The following CDH20 variants were observed in gnomAD, a reference collection of about 807,000 sequenced individuals.
CDH20 encodes the protein cadherin 20.
A neutral mutation model predicts 74.2 loss-of-function variants in CDH20; 29 were observed. That is an observed-to-expected ratio of 0.39 (90% CI 0.29 to 0.53). The LOEUF is 0.53. CDH20 is among the 20% of genes least tolerant of loss of function. The pLI is 0.69. For synonymous variants in CDH20, 469 were observed against 405.4 expected, an observed-to-expected ratio of 1.16 and a Z score of -1.88; for missense variants, 988 against 1,048.3, an observed-to-expected ratio of 0.94 and a Z score of 0.79.
chr18:61,381,323 A>G (rs1254014336), intron 1 of CDH20, among the ~76,000 whole-genome samples: 2 of 152,204 alleles, frequency 1.3e-5, no homozygotes, highest in African/African-American at 4.8e-5. Flanking sequence ...TTAATCTCTG[A>G]TCAGGCATTT....
intron 1 of CDH20, among the ~76,000 whole-genome samples, chr18:61,413,017 CA>C (rs1383009481): frequency 6.6e-6 from 1 of 152,116 alleles, no homozygotes; most frequent in African/African-American, 2.4e-5. Context: ...TTAACAACAA[CA>C]AAAAATGAAG....
chr18:61,435,587 G>C (rs1223191524), intron 1 of CDH20, among the ~76,000 whole-genome samples: 3 of 152,036 alleles, frequency 2.0e-5, no homozygotes, highest in Admixed American at 2.0e-4. Flanking sequence ...AAATGCAGGA[G>C]GGATGCCATT....
intron 1 of CDH20, among the ~76,000 whole-genome samples, chr18:61,404,505 G>T (rs1414619969): frequency 6.6e-6 from 1 of 152,132 alleles, no homozygotes; most frequent in East Asian, 1.9e-4. Flanking sequence ...ATCCAGAGTA[G>T]ATCTGTAGGG....
intron 1 of CDH20, among the ~76,000 whole-genome samples, chr18:61,463,372 C>A (rs1045244366): frequency 6.6e-6 from 1 of 152,172 alleles, no homozygotes; most frequent in Non-Finnish European, 1.5e-5. Context: ...ATCTCTAAAT[C>A]AAGGAATGTT....
intron 1 of CDH20, among the ~76,000 whole-genome samples, chr18:61,482,310 C>A (rs1167766861): frequency 3.3e-5 from 5 of 152,150 alleles, no homozygotes; most frequent in Non-Finnish European, 5.9e-5. Context: ...TAACTAGCAC[C>A]TCCTCCCAAC....
At chr18:61,355,535 T>C (rs1910470746) in intron 1 of CDH20, among the ~76,000 whole-genome samples, 1 of 152,212 alleles carries the variant, frequency 6.6e-6, no homozygotes, top group African/African-American at 2.4e-5. Flanking sequence ...TTTGTGAAAG[T>C]GTCTATATGG....
chr18:61,338,274 A>G (rs960905567), intron 1 of CDH20, among the ~76,000 whole-genome samples: 2 of 152,234 alleles, frequency 1.3e-5, no homozygotes, highest in African/African-American at 4.8e-5. Flanking sequence ...AAGTTATTGC[A>G]ACAACCTATT....
At chr18:61,482,271 G>T (rs1355042364) in intron 1 of CDH20, among the ~76,000 whole-genome samples, 1 of 152,094 alleles carries the variant, frequency 6.6e-6, no homozygotes, top group Non-Finnish European at 1.5e-5. Context: ...TTATTCCTGC[G>T]TATAAAACCA....
intron 1 of CDH20, among the ~76,000 whole-genome samples, chr18:61,390,763 G>C (rs1347182705): frequency 6.6e-6 from 1 of 151,240 alleles, no homozygotes; most frequent in African/African-American, 2.4e-5. Flanking sequence ...CCTAGGTTAG[G>C]GAAGGAAATA....
intron 1 of CDH20, among the ~76,000 whole-genome samples, chr18:61,338,829 A>C (rs1909841956): frequency 6.6e-6 from 1 of 152,192 alleles, no homozygotes; most frequent in African/African-American, 2.4e-5. Context: ...ATTACCTCCA[A>C]AGAGTAAAGA....
chr18:61,407,419 G>T (rs954503849), intron 1 of CDH20, among the ~76,000 whole-genome samples: 6 of 152,206 alleles, frequency 3.9e-5, no homozygotes, highest in African/African-American at 1.4e-4. Flanking sequence ...AAGAATAAGA[G>T]GTTGGGGTGG....
In CDH20 at chr18:61,555,588, G is replaced by A. The variant is rs1599167982; in HGVS notation, c.*893G>A. 50 of 985,094 alleles carry A rather than the reference G, an allele frequency of 5.1e-5. No individual in the cohort carries two copies. The highest frequency in any genetic ancestry group is 5.9e-5 in the Non-Finnish European group (49 of 829,686). The allele number at this position is 985,094 out of a possible 1,614,324, so 61.0% of individuals were successfully genotyped here. A position where few individuals can be genotyped will look rare whatever the true frequency, so the allele number is the denominator to read the frequency against. Reference sequence around the variant, plus strand: ...AGAGGGCTTTCCTAATCTGTGTGAGGTCAATCCAAGGGATGTTTACATACT... The same window carrying A: ...AGAGGGCTTTCCTAATCTGTGTGAGATCAATCCAAGGGATGTTTACATACT... On this transcript the variant is annotated 3_prime_UTR_variant, in exon 12 of 12. Transcript: ENST00000262717.
intron 1 of CDH20, among the ~76,000 whole-genome samples, chr18:61,412,532 T>C (rs1291177273): frequency 1.3e-5 from 2 of 152,158 alleles, no homozygotes; most frequent in African/African-American, 4.8e-5. Flanking sequence ...CAGGTTTGTT[T>C]ATAATAAATA....
In CDH20 at chr18:61,554,593, G is replaced by A. The variant is rs756107421; in HGVS notation, c.2304G>A (p.Ser768=). Residue 768 remains serine, a synonymous_variant, in exon 12 of 12, where the codon TCG becomes TCA. Transcript: ENST00000262717. ...GSLSSLQSAT[S]DSEQSFDFLT... is the part of the protein sequence containing the mutation. ...TGAGCTCCCTGCAGTCGGCCACGTC[G>A]GACTCGGAACAGAGCTTCGACTTCC... 5.6e-6 allele frequency: 9 copies of A among 1,608,868 alleles called. No homozygotes were observed. Among genetic ancestry groups the A allele is most frequent in the South Asian group, 2.2e-5 (2 of 90,228 alleles).
intron 1 of CDH20, among the ~76,000 whole-genome samples, chr18:61,405,647 C>G (rs752718466): frequency 1.3e-5 from 2 of 152,094 alleles, no homozygotes; most frequent in East Asian, 1.9e-4. Flanking sequence ...TCAGGTTCTT[C>G]TAGTCAATCA....
At chr18:61,345,554 T>A (rs1291491754) in intron 1 of CDH20, among the ~76,000 whole-genome samples, 2 of 152,222 alleles carry the variant, frequency 1.3e-5, no homozygotes, top group Non-Finnish European at 2.9e-5. Context: ...TAGGGTACCA[T>A]TCCTTCATGT....
At chr18:61,429,581 G>C (rs1913184618) in intron 1 of CDH20, among the ~76,000 whole-genome samples, 1 of 152,112 alleles carries the variant, frequency 6.6e-6, no homozygotes, top group Admixed American at 6.6e-5. Flanking sequence ...TTTTCTTTTA[G>C]CTTTTGTCAA....
At chr18:61,463,402 G>A (rs1368474106) in intron 1 of CDH20, among the ~76,000 whole-genome samples, 1 of 152,046 alleles carries the variant, frequency 6.6e-6, no homozygotes, top group Non-Finnish European at 1.5e-5. Flanking sequence ...TGTAAATATT[G>A]GTACATTTTT....
rs200678094 is a variant in CDH20, at chr18:61,457,404, ATTC to A, written c.-152-32995_-152-32993del. On this transcript the variant is annotated intron_variant, in intron 1 of 11. Coordinates refer to ENST00000262717, the MANE Select transcript of CDH20 (RefSeq NM_031891.4). Reference sequence around the variant, plus strand: ...CTAACAACCACCCTAAAAGTCAGGTATTCTTATTATCATTCTCATTTTCCTCAT... The same window carrying A: ...CTAACAACCACCCTAAAAGTCAGGTATTATTATCATTCTCATTTTCCTCAT... 5.7e-3 allele frequency among the ~76,000 whole-genome samples: 868 copies of A among 152,206 alleles called. 20 individuals are homozygous for A. Among genetic ancestry groups the A allele is most frequent in the Non-Finnish European group, 3.2e-3 (215 of 68,010 alleles).
Sources: allele counts gnomAD v4.1 joint callset (sites outside exome capture counted in the v4.1 genomes callset), GRCh38; gene constraint gnomAD v4.1.1; transcripts MANE v1.5; gene names NCBI Gene and HGNC (gene_info 2026-07-23, HGNC 2026-07-21).